C19orf47: variants seen among roughly 807,000 people sequenced by gnomAD.
The protein encoded by C19orf47 is uncharacterized protein C19orf47.
In C19orf47, 18 loss-of-function variants were observed where a neutral mutation model predicts 32.3. The ratio of observed to expected loss-of-function variants is 0.56; its 90% CI spans 0.39 to 0.83. The LOEUF (loss-of-function observed/expected upper bound fraction) is 0.83, where lower values mean the gene tolerates loss of function less well. C19orf47 is among the 40% of genes least tolerant of loss of function. The probability of loss-of-function intolerance (pLI) is 0.00; values close to 1 mark genes in which losing one functional copy is unlikely to be tolerated. For synonymous variants in C19orf47, 202 were observed against 211.1 expected (o/e 0.96, Z 0.37); for missense variants, 484 against 531.6 (o/e 0.91, Z 0.88).
chr19:40,293,275 G>T, the C19orf47 span, among the ~76,000 whole-genome samples: 1 of 151,014 alleles, frequency 6.6e-6, no homozygotes, highest in African/African-American at 2.4e-5. Context: ...CAAGTAGCTG[G>T]GATTACAGGT....
chr19:40,325,767 T>A (rs1378494868), intron 7 of C19orf47, among the ~76,000 whole-genome samples: 1 of 152,204 alleles, frequency 6.6e-6, no homozygotes, highest in African/African-American at 2.4e-5. Flanking sequence ...ACTGAATATG[T>A]TTCTGTATCA....
intron 6 of C19orf47, 126 bp from the exon 7 acceptor site, chr19:40,326,612 C>G (rs2077836191): frequency 1.7e-6 from 2 of 1,183,960 alleles, no homozygotes; most frequent in Middle Eastern, 2.0e-4. Context: ...TTCCCAACCA[C>G]CCACATCACC....
intron 5 of C19orf47, among the ~76,000 whole-genome samples, chr19:40,330,759 A>G (rs561593552): frequency 1.3e-5 from 2 of 150,736 alleles, no homozygotes; most frequent in South Asian, 4.2e-4. Context: ...CCTAGCATCA[A>G]GTGATCTTCC....
the C19orf47 span, among the ~76,000 whole-genome samples, chr19:40,295,546 C>T: frequency 5.3e-5 from 8 of 152,154 alleles, no homozygotes; most frequent in East Asian, 1.4e-3. Context: ...GCGATTCTCC[C>T]TGCCTCAGCC....
At chr19:40,300,443 C>T in the C19orf47 span, among the ~76,000 whole-genome samples, 7 of 151,342 alleles carry the variant, frequency 4.6e-5, no homozygotes, top group Non-Finnish European at 7.4e-5. Context: ...CCAGCCTGGG[C>T]GACACAGCTA....
At chr19:40,304,323 G>A in the C19orf47 span, among the ~76,000 whole-genome samples, 85 of 152,114 alleles carry the variant, frequency 5.6e-4, no homozygotes, top group Non-Finnish European at 1.0e-3. Context: ...GCAAGGGCAG[G>A]GAGGACTTTC....
At chr19:40,346,843 G>C (rs898691704) in intron 1 of C19orf47, among the ~76,000 whole-genome samples, 25 of 152,112 alleles carry the variant, frequency 1.6e-4, no homozygotes, top group Admixed American at 6.6e-5. Context: ...CATTCTTAAA[G>C]GTGTTACAAG....
At chr19:40,336,462 T>C in intron 2 of C19orf47, 55 bp from the exon 3 acceptor site, 1 of 1,476,268 alleles carries the variant, frequency 6.8e-7, no homozygotes, top group Non-Finnish European at 9.3e-7. Context: ...AGAATAGCAT[T>C]AGCAAAACCA....
At chr19:40,300,298 C>G in the C19orf47 span, among the ~76,000 whole-genome samples, 1 of 151,680 alleles carries the variant, frequency 6.6e-6, no homozygotes, top group Admixed American at 6.6e-5. Context: ...AACCCCGTCT[C>G]TACTAAAAAT....
the C19orf47 span, among the ~76,000 whole-genome samples, chr19:40,312,257 G>A: frequency 6.6e-6 from 1 of 152,130 alleles, no homozygotes; most frequent in East Asian, 1.9e-4. Flanking sequence ...GTTAGAAAAG[G>A]CCATACAGGG....
intron 1 of C19orf47, among the ~76,000 whole-genome samples, chr19:40,342,987 A>C (rs572578813): frequency 6.6e-6 from 1 of 152,198 alleles, no homozygotes; most frequent in Non-Finnish European, 1.5e-5. Flanking sequence ...TGTTAAGGAC[A>C]TATTAGCACC....
intron 8 of C19orf47, among the ~76,000 whole-genome samples, chr19:40,323,523 A>G (rs2077764622): frequency 6.6e-6 from 1 of 152,250 alleles, no homozygotes; most frequent in Non-Finnish European, 1.5e-5. Context: ...GCTTCCAGTG[A>G]GGGGACGGGC....
Position 40,336,406 on chromosome 19 carries a change from G to A in C19orf47, c.21C>T (p.Ala7=). 1 of 1,612,736 alleles carries A rather than the reference G, an allele frequency of 6.2e-7. No homozygotes were observed. The highest frequency in any genetic ancestry group is 8.5e-7 in the Non-Finnish European group (1 of 1,179,384). The change falls in exon 3 of 9, where the codon GCC becomes GCT. Residue 7 remains alanine (A), a splice_region_variant and synonymous_variant. Coordinates refer to ENST00000683109, the MANE Select transcript of C19orf47 (RefSeq NM_001256441.2). The stretch of plus-strand genomic sequence containing the variant: ...TAAAGAACTGGATCCACTCGGAAGT[G>A]GCTGTGGGGTTGGACAGGGCTCATT... MVSVTM[A]TSEWIQFFKE...
the C19orf47 span, among the ~76,000 whole-genome samples, chr19:40,302,139 C>T: frequency 3.3e-5 from 5 of 152,060 alleles, no homozygotes; most frequent in Non-Finnish European, 2.9e-5. Context: ...CCAGCCTAGG[C>T]GACAGAACAA....
At chr19:40,298,708 G>C in the C19orf47 span, among the ~76,000 whole-genome samples, 4 of 152,106 alleles carry the variant, frequency 2.6e-5, no homozygotes. Context: ...ACTACTATAA[G>C]TGACTCTGTA....
chr19:40,313,739 AG>A, the C19orf47 span, among the ~76,000 whole-genome samples: 6 of 152,096 alleles, frequency 3.9e-5, no homozygotes, highest in Non-Finnish European at 8.8e-5. Flanking sequence ...CTACAATTAC[AG>A]GCAAGAGGCA....
intron 2 of C19orf47, among the ~76,000 whole-genome samples, chr19:40,340,536 C>T (rs2078156281): frequency 6.6e-6 from 1 of 151,466 alleles, no homozygotes; most frequent in South Asian, 2.1e-4. Flanking sequence ...CAAAAATTAG[C>T]TGGGCGTGGT....
the C19orf47 span, among the ~76,000 whole-genome samples, chr19:40,311,811 A>AT: frequency 6.6e-6 from 1 of 151,810 alleles, no homozygotes. Context: ...CTATACCATC[A>AT]CGCCTGGCTA....
At chr19:40,300,690 C>A in the C19orf47 span, among the ~76,000 whole-genome samples, 2 of 152,182 alleles carry the variant, frequency 1.3e-5, no homozygotes, top group Non-Finnish European at 2.9e-5. Flanking sequence ...TGTTTTGGTT[C>A]TTCTCTAAAA....
Sources: gnomAD v4.1 joint callset for allele counts (sites outside exome capture counted in the v4.1 genomes callset) on GRCh38, gnomAD v4.1.1 for gene constraint, MANE v1.5 for transcripts, NCBI Gene and HGNC (gene_info 2026-07-23, HGNC 2026-07-21) for gene names.